WDR17: variants seen among roughly 807,000 people sequenced by gnomAD.
WDR17 encodes WD repeat-containing protein 17.
A neutral mutation model predicts 161.7 loss-of-function variants in WDR17; 143 were observed. The observed-to-expected ratio is 0.88, with a 90% CI of 0.77 to 1.02. The LOEUF is 1.02. Among genes scored for constraint, WDR17 ranks in the 50% least tolerant of loss-of-function variants. The probability of loss-of-function intolerance (pLI) is 0.00; values close to 1 mark genes in which losing one functional copy is unlikely to be tolerated. For synonymous variants in WDR17, 517 were observed against 515.6 expected (o/e 1.00, Z -0.04); for missense variants, 1,469 against 1,520.9 (o/e 0.97, Z 0.57).
Position 176,148,263 on chromosome 4 carries a change from A to G in WDR17, c.1825A>G (p.Thr609Ala). 6.2e-7 allele frequency: 1 copy of G among 1,614,024 alleles called. No homozygotes were observed. The highest frequency in any genetic ancestry group is 2.2e-5 in the East Asian group (1 of 44,846). The stretch of plus-strand genomic sequence containing the variant: ...GCTCATATCTGGCAGCTGGGACTAT[A>G]CTATAAAAGTATGGGACACTCGAGA... The part of the protein sequence containing the change: ...YLLISGSWDY[T>A]IKVWDTREGT... The change falls in exon 13 of 29, where the codon ACT becomes GCT. Residue 609 changes from threonine to alanine, a missense_variant. Coordinates refer to ENST00000508596, the MANE Select transcript of WDR17 (RefSeq NM_181265.4).
At chr4:176,108,969 T>C (rs1739266283) in intron 1 of WDR17, among the ~76,000 whole-genome samples, 1 of 152,120 alleles carries the variant, frequency 6.6e-6, no homozygotes, top group Non-Finnish European at 1.5e-5. Flanking sequence ...TTTGTAATTT[T>C]TGTAGAGATA....
intron 1 of WDR17, among the ~76,000 whole-genome samples, chr4:176,071,657 T>A (rs1232551610): frequency 6.6e-6 from 1 of 152,182 alleles, no homozygotes; most frequent in Non-Finnish European, 1.5e-5. Flanking sequence ...CTCAGAATGG[T>A]CACAATGAAA....
intron 17 of WDR17, among the ~76,000 whole-genome samples, chr4:176,154,518 A>T (rs908208806): frequency 2.0e-4 from 30 of 152,140 alleles, no homozygotes; most frequent in Admixed American, 1.4e-3. Context: ...GGGTGTCCAT[A>T]GAATCGTTTG....
chr4:176,166,535 G>A (rs1299598878), intron 22 of WDR17, among the ~76,000 whole-genome samples: 1 of 152,074 alleles, frequency 6.6e-6, no homozygotes, highest in Non-Finnish European at 1.5e-5. Flanking sequence ...TCAAAAAAGA[G>A]TGAATTTGAT....
intron 1 of WDR17, among the ~76,000 whole-genome samples, chr4:176,070,543 T>G (rs1051682568): frequency 2.6e-5 from 4 of 152,184 alleles, no homozygotes; most frequent in African/African-American, 9.7e-5. Context: ...TTTTTTCTTC[T>G]GAGACAGGGT....
intron 26 of WDR17, among the ~76,000 whole-genome samples, chr4:176,174,961 G>A (rs186237784): frequency 1.1e-3 from 164 of 152,330 alleles, no homozygotes; most frequent in Non-Finnish European, 1.3e-3. Flanking sequence ...AGACACTTGA[G>A]ACAGGCTTTC....
chr4:176,122,338 A>G (rs572900904), intron 4 of WDR17, among the ~76,000 whole-genome samples: 1 of 152,348 alleles, frequency 6.6e-6, no homozygotes, highest in African/African-American at 2.4e-5. Flanking sequence ...CTAATTCCAA[A>G]TAAGATCACA....
intron 4 of WDR17, 35 bp from the exon 5 acceptor site, chr4:176,125,069 G>C: frequency 6.2e-7 from 1 of 1,604,464 alleles, no homozygotes; most frequent in South Asian, 1.1e-5. Context: ...TTTTCTGCAA[G>C]TTTTTTGGAA....
At chr4:176,168,053 A>G (rs1750145493) in intron 22 of WDR17, among the ~76,000 whole-genome samples, 1 of 151,960 alleles carries the variant, frequency 6.6e-6, no homozygotes, top group Admixed American at 6.6e-5. Flanking sequence ...AGGCTGAGGC[A>G]CAAAAATTGC....
chr4:176,172,954 A>G (rs754160909), intron 24 of WDR17, among the ~76,000 whole-genome samples: 52 of 152,202 alleles, frequency 3.4e-4, no homozygotes, highest in South Asian at 2.1e-4. Context: ...CCCTACTCCA[A>G]CATTGGGGAT....
chr4:176,163,836 C>T (rs1749399749), intron 22 of WDR17, among the ~76,000 whole-genome samples: 1 of 152,166 alleles, frequency 6.6e-6, no homozygotes, highest in Admixed American at 6.5e-5. Flanking sequence ...CTGCAGAGCC[C>T]TGGCCTTAAG....
intron 1 of WDR17, among the ~76,000 whole-genome samples, chr4:176,083,768 G>A (rs1280020222): frequency 6.6e-6 from 1 of 152,110 alleles, no homozygotes. Flanking sequence ...GTTGTCCAAA[G>A]CATTTGCCCC....
At chr4:176,101,090 A>C (rs1737750374) in intron 1 of WDR17, among the ~76,000 whole-genome samples, 1 of 152,092 alleles carries the variant, frequency 6.6e-6, no homozygotes, top group Non-Finnish European at 1.5e-5. Context: ...GTTCTATATG[A>C]ATTTTAGGAT....
intron 1 of WDR17, among the ~76,000 whole-genome samples, chr4:176,067,393 A>T (rs1294635492): frequency 1.3e-5 from 2 of 152,244 alleles, no homozygotes; most frequent in Non-Finnish European, 2.9e-5. Context: ...GACTTATTTC[A>T]AAGGGCATAT....
chr4:176,069,157 C>G (rs1169764036), intron 1 of WDR17, among the ~76,000 whole-genome samples: 1 of 151,780 alleles, frequency 6.6e-6, no homozygotes, highest in East Asian at 1.9e-4. Context: ...TTCAAATAGG[C>G]TAGATTTTGT....
chr4:176,160,260 C>A, intron 19 of WDR17, 134 bp downstream of exon 19: 2 of 928,370 alleles, frequency 2.2e-6, no homozygotes, highest in Non-Finnish European at 3.0e-6. Context: ...TCCTCCCTGG[C>A]CTTCTTTCTC....
rs1409897316 is a variant in WDR17, at chr4:176,151,708, A to G, written c.2305-104A>G. On this transcript the variant is annotated intron_variant, in intron 16 of 28. Coordinates refer to ENST00000508596, the MANE Select transcript of WDR17 (RefSeq NM_181265.4). Reference sequence around the variant, plus strand: ...TTTTTTGTGTGTTAGGAACATTTCAATTCCGCTCTATTAGTTATTTCAAAA... The same window carrying G: ...TTTTTTGTGTGTTAGGAACATTTCAGTTCCGCTCTATTAGTTATTTCAAAA... 10 of 1,049,478 alleles carry G rather than the reference A, an allele frequency of 9.5e-6. No individual in the cohort carries two copies. In the East Asian group the frequency reaches 2.4e-4, roughly 25 times the overall value. The allele number at this position is 1,049,478 out of a possible 1,614,324, so 65.0% of individuals were successfully genotyped here.
chr4:176,159,222 G>A (rs1355301659), intron 18 of WDR17, among the ~76,000 whole-genome samples: 6 of 151,648 alleles, frequency 4.0e-5, no homozygotes, highest in Non-Finnish European at 8.8e-5. Flanking sequence ...TAGCTAGGGG[G>A]TTAGTCATTG....
intron 1 of WDR17, 161 bp from the exon 2 acceptor site, chr4:176,111,414 A>G: frequency 1.7e-6 from 1 of 571,454 alleles, no homozygotes; most frequent in Non-Finnish European, 2.7e-6. Flanking sequence ...ACATTTAGGG[A>G]GTTCAACTGC....
Sources: gnomAD v4.1 joint callset for allele counts (sites outside exome capture counted in the v4.1 genomes callset) on GRCh38, gnomAD v4.1.1 for gene constraint, MANE v1.5 for transcripts, NCBI Gene and HGNC (gene_info 2026-07-23, HGNC 2026-07-21) for gene names.